Variants in SRCAP observed in about 807,000 individuals in gnomAD.
SRCAP encodes chromatin remodeling protein SRCAP.
In SRCAP, 46 loss-of-function variants were observed where a neutral mutation model predicts 263.1. The observed-to-expected ratio is 0.17, with a 90% confidence interval of 0.14 to 0.22. The LOEUF is 0.22. SRCAP is among the 10% of genes least tolerant of loss of function. The probability of loss-of-function intolerance (pLI) is 1.00; values close to 1 mark genes in which losing one functional copy is unlikely to be tolerated. For missense variants in SRCAP, 3,695 were observed against 4,181.9 expected, an observed-to-expected ratio of 0.88 and a Z score of 3.21; for synonymous variants, 1,813 against 1,662.1, an observed-to-expected ratio of 1.09 and a Z score of -2.21.
chr16:30,705,548 C>A (rs113871633), intron 4 of SRCAP, among the ~76,000 whole-genome samples: 1 of 151,396 alleles, frequency 6.6e-6, no homozygotes, highest in African/African-American at 2.4e-5. Flanking sequence ...TACAGGCGCC[C>A]GCCATCACAC....
chr16:30,734,081 A>G, intron 30 of SRCAP, 73 bp downstream of exon 30: 1 of 1,353,518 alleles, frequency 7.4e-7, no homozygotes, highest in Non-Finnish European at 1.0e-6. Flanking sequence ...TGTTTATTAA[A>G]GAAGACTGCT....
At position 30,709,536 on chromosome 16, in the gene SRCAP, C is replaced by A; in HGVS notation, c.657C>A (p.Ser219=). The change falls in exon 7 of 34, where the codon TCC becomes TCA. Residue 219 remains serine, a synonymous_variant. Coordinates refer to ENST00000262518, the MANE Select transcript of SRCAP (RefSeq NM_006662.3). The stretch of plus-strand genomic sequence containing the variant: ...AGGTGGTGCAATTCAAGCAACAGTC[C>A]CGGCTTGAGGAAAAGCGCAAAAAAG... ...VEKVVQFKQQ[S]RLEEKRKKAL... is the part of the protein sequence containing the mutation. 6.2e-7 allele frequency: 1 copy of A among 1,614,104 alleles called. No homozygotes were observed. The highest frequency in any genetic ancestry group is 8.5e-7 in the Non-Finnish European group (1 of 1,180,022).
chr16:30,741,058 TGAG>T lies in SRCAP; in HGVS notation c.*1327_*1329del, dbSNP rs1206421029. 5 of 152,350 alleles carry T rather than the reference TGAG, an allele frequency of 3.3e-5. No homozygotes were observed. In the South Asian group the frequency reaches 6.2e-4, roughly 19 times the overall value. The allele number at this position is 152,350 out of a possible 1,614,324, so 9.4% of individuals were successfully genotyped here. The stretch of plus-strand genomic sequence containing the variant: ...CATTTTGCAGGTTTCTGTGTGGTAA[TGAG>T]GTCATTTAGACTCAGTGTACTAGTC... On this transcript the variant is annotated 3_prime_UTR_variant, in exon 34 of 34. Coordinates refer to ENST00000262518, the MANE Select transcript of SRCAP (RefSeq NM_006662.3).
chr16:30,722,347 G>A, intron 22 of SRCAP, 61 bp downstream of exon 22: 1 of 1,571,064 alleles, frequency 6.4e-7, no homozygotes, highest in Non-Finnish European at 8.6e-7. Context: ...CTTTGTTTTT[G>A]TGACTTTTTT....
chr16:30,721,702 T>C (rs1369769778), intron 21 of SRCAP, among the ~76,000 whole-genome samples: 1 of 152,142 alleles, frequency 6.6e-6, no homozygotes, highest in African/African-American at 2.4e-5. Context: ...TCAAAAAAAA[T>C]TGAGGCAGCT....
chr16:30,700,636 C>T lies in SRCAP; in HGVS notation c.-189C>T, dbSNP rs1195061567. 2 of 456,490 alleles carry T rather than the reference C, an allele frequency of 4.4e-6. No homozygotes were observed. Among genetic ancestry groups the T allele is most frequent in the African/African-American group, 4.0e-5 (2 of 50,380 alleles). 28.3% of individuals were successfully genotyped at this position (456,490 alleles called of 1,614,324 possible). A position where few individuals can be genotyped will look rare whatever the true frequency, so the allele number is the denominator to read the frequency against. On this transcript the variant is annotated 5_prime_UTR_variant, in exon 3 of 34. Transcript: ENST00000262518. ...TTTAGGTGCTCCAGAGGCTGGTGGA[C>T]CTGAGCGGAGGCTGGGACGCCCTGG...
intron 4 of SRCAP, among the ~76,000 whole-genome samples, chr16:30,706,768 T>C (rs2052832433): frequency 6.6e-6 from 1 of 152,136 alleles, no homozygotes; most frequent in Non-Finnish European, 1.5e-5. Context: ...ACCCCTTGTA[T>C]CTAGAATCAA....
rs915047542 is a variant in SRCAP at position 30,722,576 on chromosome 16, C to G, written c.3720C>G (p.His1240Gln). Residue 1240 changes from histidine to glutamine, a missense_variant, in exon 23 of 34, where the codon CAC becomes CAG. Physicochemically the swap from His to Gln is conservative, Grantham distance 24. Coordinates refer to ENST00000262518, the MANE Select transcript of SRCAP (RefSeq NM_006662.3). ...CCCTTAACCCAGGGAATGTGGTGCA[C>G]CTCGTGTCAGCAGGGGGGCAGCACC... ...QPRPLQRNVV[H>Q]LVSAGGQHHL... 1.2e-6 allele frequency: 2 copies of G among 1,614,088 alleles called. No individual in the cohort carries two copies. The highest frequency in any genetic ancestry group is 1.7e-6 in the Non-Finnish European group (2 of 1,179,984).
At position 30,712,453 on chromosome 16, in the gene SRCAP, G is replaced by T; in HGVS notation, c.1993+14G>T. 1.3e-6 allele frequency: 2 copies of T among 1,554,332 alleles called. No homozygotes were observed. The highest frequency in any genetic ancestry group is 1.2e-5 in the South Asian group (1 of 82,180). On this transcript the variant is annotated intron_variant, in intron 13 of 33. Coordinates refer to ENST00000262518, the MANE Select transcript of SRCAP (RefSeq NM_006662.3). ...CTTGTGAGAAAGGTAAGTAGGCAAG[G>T]CCCCTTCTTTTGTTCCCCCTAGTCT...
At chr16:30,705,103 C>T (rs1412243569) in intron 4 of SRCAP, among the ~76,000 whole-genome samples, 1 of 152,116 alleles carries the variant, frequency 6.6e-6, no homozygotes, top group African/African-American at 2.4e-5. Context: ...GAGTTCGAGA[C>T]CAGCCTGGCC....
intron 6 of SRCAP, among the ~76,000 whole-genome samples, 180 bp from the exon 7 acceptor site, chr16:30,709,333 C>T (rs550091514): frequency 2.5e-4 from 38 of 152,036 alleles, no homozygotes; most frequent in African/African-American, 8.2e-4. Context: ...GCTGGCTCTT[C>T]TTCCTGCATG....
Position 30,729,346 on chromosome 16 carries a change from A to G in SRCAP, c.5925-24A>G, listed in dbSNP as rs1296661806. The G allele has an allele frequency of 5.0e-6, 8 of 1,613,250 alleles. No homozygotes were observed. In the South Asian group the frequency reaches 8.8e-5, roughly 18 times the overall value. On this transcript the variant is annotated intron_variant, in intron 26 of 33. Transcript: ENST00000262518. The stretch of plus-strand genomic sequence containing the variant: ...GGCATTTCAGAGTCCCATCTTTTAC[A>G]CTGCCTGCTTCTTCCTTTCACAGGT...
chr16:30,722,987 C>A lies in SRCAP; in HGVS notation c.3917C>A (p.Thr1306Lys). 1 of 1,612,986 alleles carries A rather than the reference C, an allele frequency of 6.2e-7. No individual in the cohort carries two copies. The highest frequency in any genetic ancestry group is 8.5e-7 in the Non-Finnish European group (1 of 1,179,304). The stretch of plus-strand genomic sequence containing the variant: ...GTGCCACCAACCATGGTGAATAATA[C>A]AGGCGTGGTGAAGATTGTAGTGAGA... The part of the protein sequence containing the change: ...NQVPPTMVNN[T>K]GVVKIVVRQA... Residue 1306 changes from threonine to lysine, a missense_variant, in exon 24 of 34, where the codon ACA becomes AAA. Thr to Lys is a moderately conservative substitution (Grantham distance 78). Coordinates refer to ENST00000262518, the MANE Select transcript of SRCAP (RefSeq NM_006662.3).
chr16:30,733,772 C>G lies in SRCAP; in HGVS notation c.6468C>G (p.Gly2156=). 6.2e-7 allele frequency: 1 copy of G among 1,613,884 alleles called. No homozygotes were observed. Among genetic ancestry groups the G allele is most frequent in the African/African-American group, 1.3e-5 (1 of 75,028 alleles). Residue 2156 remains glycine (G), a synonymous_variant, in exon 29 of 34, where the codon GGC becomes GGG. Transcript: ENST00000262518. This position sits in a 1 kb window ranked among gnomAD's most constrained non-coding sequence, Gnocchi z 5.3. The part of the protein sequence containing the change: ...AQAQDRCHRI[G]QTRDVHIYRL... ...CCCAGGACCGCTGTCACCGAATTGGCCAGACCCGGGATGTCCACATATATA... is the reference window on the plus strand; with the variant it reads ...CCCAGGACCGCTGTCACCGAATTGGGCAGACCCGGGATGTCCACATATATA...
chr16:30,729,022 C>T lies in SRCAP; in HGVS notation c.5715C>T (p.Phe1905=). ...RQRSERLERI[F]QLSEAHGALA... is the part of the protein sequence containing the mutation. ...GGTCTGAACGCCTGGAACGGATTTT[C>T]CAACTTAGTGAGGCTCATGGGGCCC... The change falls in exon 26 of 34, where the codon TTC becomes TTT. Residue 1905 remains phenylalanine (F), a synonymous_variant. Coordinates refer to ENST00000262518, the MANE Select transcript of SRCAP (RefSeq NM_006662.3). The T allele has an allele frequency of 6.2e-7, 1 of 1,614,170 alleles. No homozygotes were observed. Among genetic ancestry groups the T allele is most frequent in the South Asian group, 1.1e-5 (1 of 91,090 alleles).
rs192794742 is a variant in SRCAP, at chr16:30,707,379, C to A, written c.492+11C>A. 4 of 1,612,362 alleles carry A rather than the reference C, an allele frequency of 2.5e-6. No homozygotes were observed. Among genetic ancestry groups the A allele is most frequent in the East Asian group, 4.5e-5 (2 of 44,878 alleles). On this transcript the variant is annotated intron_variant, in intron 5 of 33. Coordinates refer to ENST00000262518, the MANE Select transcript of SRCAP (RefSeq NM_006662.3). Reference sequence around the variant, plus strand: ...GGTGTGGCCCGGAAGGTAGGTCTTCCGCTGGGACTTCCTTCCTTTTCCTTT... The same window carrying A: ...GGTGTGGCCCGGAAGGTAGGTCTTCAGCTGGGACTTCCTTCCTTTTCCTTT...
In SRCAP at chr16:30,721,469, C is replaced by A; in HGVS notation, c.3534C>A (p.Arg1178=). 1 of 1,609,190 alleles carries A rather than the reference C, an allele frequency of 6.2e-7. No homozygotes were observed. ...RLILSPDMQA[R]LPSGEVVSIG... ...TTCTATCTCCCGATATGCAGGCTCGCCTGCCCTGTAAGTTCCCAGGGCTCT... is the reference window on the plus strand; with the variant it reads ...TTCTATCTCCCGATATGCAGGCTCGACTGCCCTGTAAGTTCCCAGGGCTCT... The change falls in exon 21 of 34, where the codon CGC becomes CGA. Residue 1178 remains arginine, a synonymous_variant. Coordinates refer to ENST00000262518, the MANE Select transcript of SRCAP (RefSeq NM_006662.3).
In SRCAP at chr16:30,704,153, G is replaced by A. The variant is rs565926724; in HGVS notation, c.144G>A (p.Pro48=). 12 of 1,614,108 alleles carry A rather than the reference G, an allele frequency of 7.4e-6. No individual in the cohort carries two copies. The highest frequency in any genetic ancestry group is 4.0e-5 in the African/African-American group (3 of 75,020). The change falls in exon 4 of 34, where the codon CCG becomes CCA. Residue 48 remains proline (P), a synonymous_variant. Transcript: ENST00000262518. Reference sequence around the variant, plus strand: ...CTAGTGGGGCAGGCGGCATCTCCCCGCAGCACATAGCTCAAGATTCCTCAC... The same window carrying A: ...CTAGTGGGGCAGGCGGCATCTCCCCACAGCACATAGCTCAAGATTCCTCAC... ...PASSGAGGIS[P]QHIAQDSSLD...
chr16:30,711,121 A>G (rs2052886400), intron 10 of SRCAP, 33 bp downstream of exon 10: 1 of 1,552,636 alleles, frequency 6.4e-7, no homozygotes, highest in Non-Finnish European at 8.8e-7. Flanking sequence ...CTAAGCATCC[A>G]CTTGGTGTCT....
Sources: allele counts gnomAD v4.1 joint callset (sites outside exome capture counted in the v4.1 genomes callset), GRCh38; gene constraint gnomAD v4.1.1; non-coding constraint Gnocchi (gnomAD v3.1); transcripts MANE v1.5; gene names NCBI Gene and HGNC (gene_info 2026-07-23, HGNC 2026-07-21).